Variants in ANKZF1 observed in about 807,000 individuals in gnomAD.
ANKZF1 encodes the protein tRNA endonuclease ANKZF1.
A neutral mutation model predicts 86.0 loss-of-function variants in ANKZF1; 84 were observed. That is an observed-to-expected ratio of 0.98 (90% CI 0.82 to 1.17). The LOEUF is 1.17. Among genes scored for constraint, ANKZF1 ranks in the 50% most tolerant of loss-of-function variants. ANKZF1 has a pLI of 0.00. For missense variants in ANKZF1, 893 were observed against 918.4 expected, an observed-to-expected ratio of 0.97 and a Z score of 0.36; for synonymous variants, 331 against 354.2, an observed-to-expected ratio of 0.93 and a Z score of 0.74.
At chr2:219,232,977 G>A in intron 5 of ANKZF1, 102 bp from the exon 6 acceptor site, 1 of 1,133,760 alleles carries the variant, frequency 8.8e-7, no homozygotes, top group South Asian at 1.3e-5. Flanking sequence ...CAAGCCTCAG[G>A]GTGGTAATAT....
chr2:219,235,315 G>A lies in ANKZF1; in HGVS notation c.1691+3G>A, dbSNP rs777959728. On this transcript the variant is annotated splice_donor_region_variant and intron_variant, in intron 10 of 13. Coordinates refer to ENST00000323348, the MANE Select transcript of ANKZF1 (RefSeq NM_018089.3). ...GCAGGTGCTGACCCCACTGTGCAGTGAGTAAAGGTCCCCATCCTGAGTCAT... is the reference window on the plus strand; with the variant it reads ...GCAGGTGCTGACCCCACTGTGCAGTAAGTAAAGGTCCCCATCCTGAGTCAT... 6 of 1,608,278 alleles carry A rather than the reference G, an allele frequency of 3.7e-6. No homozygotes were observed. In the Admixed American group the frequency reaches 1.0e-4, roughly 27 times the overall value.
In ANKZF1 at chr2:219,235,511, G is replaced by T. The variant is rs760459753; in HGVS notation, c.1729G>T (p.Asp577Tyr). 5 of 1,614,060 alleles carry T rather than the reference G, an allele frequency of 3.1e-6. No homozygotes were observed. Among genetic ancestry groups the T allele is most frequent in the Middle Eastern group, 1.7e-4 (1 of 6,058 alleles). Reference sequence around the variant, plus strand: ...CCGGCCACCTTATACTGTTGCGGCTGACAAATCAACACGTAATGAGTTCCG... The same window carrying T: ...CCGGCCACCTTATACTGTTGCGGCTTACAAATCAACACGTAATGAGTTCCG... ...RARPPYTVAA[D>Y]KSTRNEFRRF... The change falls in exon 11 of 14, where the codon GAC becomes TAC. Residue 577 changes from aspartate to tyrosine, a missense_variant. Coordinates refer to ENST00000323348, the MANE Select transcript of ANKZF1 (RefSeq NM_018089.3).
intron 1 of ANKZF1, 87 bp from the exon 2 acceptor site, chr2:219,230,141 C>G: frequency 1.7e-6 from 2 of 1,177,468 alleles, no homozygotes; most frequent in Non-Finnish European, 2.4e-6. Flanking sequence ...TCTTGCGGTG[C>G]AGGAGAAACC....
In ANKZF1 at chr2:219,232,536, T is replaced by G. The variant is rs1951074459; in HGVS notation, c.411T>G (p.Ser137Arg). Residue 137 changes from serine to arginine, a missense_variant, in exon 5 of 14, where the codon AGT (serine) becomes AGG (arginine). Ser to Arg is a moderately radical substitution (Grantham distance 110, BLOSUM62 -1). Coordinates refer to ENST00000323348, the MANE Select transcript of ANKZF1 (RefSeq NM_018089.3). ...ISGSEDSDSASEEDLQTLDRE... is the reference protein window; with the variant it reads ...ISGSEDSDSAREEDLQTLDRE... ...GATCAGAAGACTCAGACTCAGCCAG[T>G]GAGGAGGACTTGCAGACACTGGATC... The G allele has an allele frequency of 1.9e-6, 3 of 1,614,200 alleles. No homozygotes were observed. The highest frequency in any genetic ancestry group is 1.7e-5 in the Admixed American group (1 of 60,026).
Position 219,235,717 on chromosome 2 carries a change from C to A in ANKZF1, c.1813C>A (p.Pro605Thr). 1 of 1,614,072 alleles carries A rather than the reference C, an allele frequency of 6.2e-7. No individual in the cohort carries two copies. ...YDYNKAQVPG[P>T]LTPEMEARQA... ...ATTTGAAATCCTCCAGGTGCCAGGA[C>A]CATTGACACCAGAAATGGAGGCACG... is the stretch of plus-strand genomic sequence containing the variant. Residue 605 changes from proline (P) to threonine (T), a missense_variant, in exon 12 of 14, where the codon CCA becomes ACA. Coordinates refer to ENST00000323348, the MANE Select transcript of ANKZF1 (RefSeq NM_018089.3).
rs1951079902 is a variant in ANKZF1 at position 219,232,693 on chromosome 2, A to C, written c.558+10A>C. 1 of 1,611,714 alleles carries C rather than the reference A, an allele frequency of 6.2e-7. No homozygotes were observed. Among genetic ancestry groups the C allele is most frequent in the Non-Finnish European group, 8.5e-7 (1 of 1,178,894 alleles). On this transcript the variant is annotated intron_variant, in intron 5 of 13. Transcript: ENST00000323348. ...CCTAGGCCCTCATCAGGCAAGTGAC[A>C]GTACAGGTTGCATGGCTAACCCCAG...
At chr2:219,231,702 TTTA>T (rs1450290358) in intron 2 of ANKZF1, 1 of 461,070 alleles carries the variant, frequency 2.2e-6, no homozygotes, top group Admixed American at 3.8e-5. Flanking sequence ...CCAATTTTAT[TTTA>T]TTTACATTCA....
intron 3 of ANKZF1, 83 bp from the exon 4 acceptor site, chr2:219,232,177 G>C (rs1951059887): frequency 1.4e-6 from 2 of 1,474,406 alleles, no homozygotes; most frequent in African/African-American, 1.4e-5. Context: ...GTACTTCCTA[G>C]AATACTATAA....
intron 12 of ANKZF1, 58 bp downstream of exon 12, chr2:219,235,933 C>T: frequency 6.2e-7 from 1 of 1,613,720 alleles, no homozygotes; most frequent in Non-Finnish European, 8.5e-7. Context: ...AACCCCTTCC[C>T]CAGCGTGCAG....
In ANKZF1 at chr2:219,232,353, A is replaced by G. The variant is rs1951067462; in HGVS notation, c.355A>G (p.Ser119Gly). The G allele has an allele frequency of 6.2e-7, 1 of 1,614,208 alleles. No homozygotes were observed. Among genetic ancestry groups the G allele is most frequent in the Non-Finnish European group, 8.5e-7 (1 of 1,180,014 alleles). The change falls in exon 4 of 14, where the codon AGC becomes GGC. Residue 119 changes from serine (S) to glycine (G), a missense_variant. By Grantham distance (56) the Ser-to-Gly change is moderately conservative. Coordinates refer to ENST00000323348, the MANE Select transcript of ANKZF1 (RefSeq NM_018089.3). ...LLSALDFEKQSSTGDLSSISG... is the reference protein window; with the variant it reads ...LLSALDFEKQGSTGDLSSISG... ...GTCTGCCCTGGACTTTGAAAAGCAG[A>G]GCTCCACAGGTGATGAGTGGTAGGG...
chr2:219,233,285 G>A lies in ANKZF1; in HGVS notation c.672-1G>A. 1 of 1,614,186 alleles carries A rather than the reference G, an allele frequency of 6.2e-7. No homozygotes were observed. The highest frequency in any genetic ancestry group is 8.5e-7 in the Non-Finnish European group (1 of 1,180,034). Reference sequence around the variant, plus strand: ...CAGTACTGAGTCTGTGCTGTCTACAGAAGAGAAGTGGTGACACACAAAACT... The same window carrying A: ...CAGTACTGAGTCTGTGCTGTCTACAAAAGAGAAGTGGTGACACACAAAACT... On this transcript the variant is annotated splice_acceptor_variant, in intron 6 of 13. Transcript: ENST00000323348. LOFTEE classifies it high-confidence loss of function.
chr2:219,235,229 T>C lies in ANKZF1; in HGVS notation c.1608T>C (p.Phe536=). The change falls in exon 10 of 14, where the codon TTT becomes TTC. Residue 536 remains phenylalanine, a synonymous_variant. Coordinates refer to ENST00000323348, the MANE Select transcript of ANKZF1 (RefSeq NM_018089.3). The part of the protein sequence containing the change: ...LLSAPLGSGG[F]TLLHAAAAAG... ...GTGCCCCCTTGGGCTCCGGTGGCTT[T>C]ACTCTCCTGCATGCAGCAGCTGCAG... The C allele has an allele frequency of 6.2e-7, 1 of 1,613,594 alleles. No homozygotes were observed. Among genetic ancestry groups the C allele is most frequent in the Non-Finnish European group, 8.5e-7 (1 of 1,180,044 alleles).
chr2:219,236,339 G>A lies in ANKZF1; in HGVS notation c.2075G>A (p.Gly692Glu). The A allele has an allele frequency of 6.2e-7, 1 of 1,614,044 alleles. No individual in the cohort carries two copies. Among genetic ancestry groups the A allele is most frequent in the South Asian group, 1.1e-5 (1 of 91,078 alleles). ...IVNTRRCWSC[G>E]ASLQGLTPFH... Reference sequence around the variant, plus strand: ...TTGTTCAGACGCTGCTGGAGTTGTGGGGCATCCCTCCAAGGCCTGACTCCC... The same window carrying A: ...TTGTTCAGACGCTGCTGGAGTTGTGAGGCATCCCTCCAAGGCCTGACTCCC... Residue 692 changes from glycine to glutamate, a missense_variant, in exon 14 of 14, where the codon GGG (glycine) becomes GAG (glutamate). Physicochemically the swap from Gly to Glu is moderately conservative, Grantham distance 98 (BLOSUM62 -2). Transcript: ENST00000323348.
At chr2:219,232,190 G>A in intron 3 of ANKZF1, 70 bp from the exon 4 acceptor site, 1 of 1,499,786 alleles carries the variant, frequency 6.7e-7, no homozygotes, top group Non-Finnish European at 9.3e-7. Context: ...TACTATAACT[G>A]GTCTTGGCCA....
Position 219,230,507 on chromosome 2 carries a change from A to G in ANKZF1, c.148+102A>G, listed in dbSNP as rs1046211358. The G allele has an allele frequency of 4.3e-6, 6 of 1,392,458 alleles. No individual in the cohort carries two copies. The African/African-American group carries it at 4.4e-5, about 10-fold the overall frequency. The allele number at this position is 1,392,458 out of a possible 1,614,324, so 86.3% of individuals were successfully genotyped here. On this transcript the variant is annotated intron_variant, in intron 2 of 13. Transcript: ENST00000323348. The stretch of plus-strand genomic sequence containing the variant: ...TGGTATTCCCGAGCTTAGGAGGCCA[A>G]TTGATTTATCTTTCTGCTTGATTAA...
chr2:219,233,311 T>C lies in ANKZF1; in HGVS notation c.697T>C (p.Phe233Leu), dbSNP rs1951098090. 1.9e-6 allele frequency: 3 copies of C among 1,614,042 alleles called. No homozygotes were observed. Among genetic ancestry groups the C allele is most frequent in the Admixed American group, 3.3e-5 (2 of 60,002 alleles). ...QGREVVTHKT[F>L]HRYTVRAKRG... ...AAGAGAAGTGGTGACACACAAAACT[T>C]TTCACCGCTATACGGTTCGGGCCAA... Residue 233 changes from phenylalanine to leucine, a missense_variant, in exon 7 of 14, where the codon TTT (phenylalanine) becomes CTT (leucine). Coordinates refer to ENST00000323348, the MANE Select transcript of ANKZF1 (RefSeq NM_018089.3).
At chr2:219,234,319 T>C in intron 9 of ANKZF1, 31 bp downstream of exon 9, 7 of 1,613,680 alleles carry the variant, frequency 4.3e-6, no homozygotes, top group Non-Finnish European at 5.9e-6. Context: ...CTGTCAGATC[T>C]GAGTTTCTGT....
chr2:219,230,765 G>A (rs1028161800), intron 2 of ANKZF1: 24 of 162,894 alleles, frequency 1.5e-4, no homozygotes, highest in Non-Finnish European at 6.7e-5. Flanking sequence ...TTTTTTGAGA[G>A]TCTCGCTCTG....
At chr2:219,233,499 C>T in intron 7 of ANKZF1, 66 bp downstream of exon 7, 2 of 1,500,542 alleles carry the variant, frequency 1.3e-6, no homozygotes, top group Non-Finnish European at 1.8e-6. Context: ...GTTCAACTCA[C>T]TGTTAAGTAG....
Sources: allele counts gnomAD v4.1 joint callset, GRCh38; gene constraint gnomAD v4.1.1; transcripts MANE v1.5; gene names NCBI Gene and HGNC (gene_info 2026-07-23, HGNC 2026-07-21).